Variants in DNASE1 observed in about 807,000 individuals in gnomAD.
DNASE1 encodes the protein deoxyribonuclease-1.
A neutral mutation model predicts 33.9 loss-of-function variants in DNASE1; 40 were observed. That is an observed-to-expected ratio of 1.18 (90% CI 0.92 to 1.54). The LOEUF (loss-of-function observed/expected upper bound fraction) is 1.54. Ranked by LOEUF, DNASE1 falls within the 40% of genes most tolerant of loss-of-function variation. The pLI is 0.00. For missense variants in DNASE1, 518 were observed against 372.6 expected, an observed-to-expected ratio of 1.39 and a Z score of -3.21; for synonymous variants, 216 against 160.0, an observed-to-expected ratio of 1.35 and a Z score of -2.64.
At chr16:3,621,616 GT>G (rs1269300216) in intron 1 of DNASE1, among the ~76,000 whole-genome samples, 1 of 152,014 alleles carries the variant, frequency 6.6e-6, no homozygotes, top group African/African-American at 2.4e-5. Flanking sequence ...TCTGAACCTC[GT>G]TTTTGCAACT....
chr16:3,612,858 A>G (rs1035978595), intron 1 of DNASE1, among the ~76,000 whole-genome samples: 1 of 152,172 alleles, frequency 6.6e-6, no homozygotes, highest in Non-Finnish European at 1.5e-5. Context: ...GAGCATAGTC[A>G]AGACGCAGTT....
exon 10 of DNASE1, chr16:3,663,846 G>A (rs1354161852): frequency 2.3e-6 from 1 of 434,402 alleles, no homozygotes; most frequent in Non-Finnish European, 4.2e-6. Flanking sequence ...GGCCAAAGCA[G>A]GCAGATCATG....
exon 10 of DNASE1, chr16:3,664,519 C>T: frequency 6.6e-7 from 1 of 1,525,650 alleles, no homozygotes. Flanking sequence ...TGTTGCCCAA[C>T]TAACTGGGCG....
At chr16:3,664,616 C>CA in exon 10 of DNASE1, 2 of 764,486 alleles carry the variant, frequency 2.6e-6, no homozygotes, top group Non-Finnish European at 4.0e-6. Flanking sequence ...TGTCCGAGAG[C>CA]AGGCCTTGCT....
Position 3,654,874 on chromosome 16 carries a change from G to A in DNASE1, c.-172G>A, listed in dbSNP as rs181422861. The stretch of plus-strand genomic sequence containing the variant: ...CTCCCAGACACGCACTGCCTGTGCA[G>A]GATCCGGAGCCCAGCAGCACTGCCA... On this transcript the variant is annotated 5_prime_UTR_variant, in exon 1 of 9. Transcript: ENST00000246949. 325 of 423,442 alleles carry A rather than the reference G, an allele frequency of 7.7e-4. 2 individuals are homozygous for A. The highest frequency in any genetic ancestry group is 4.2e-3 in the Middle Eastern group (7 of 1,656). The allele number at this position is 423,442 out of a possible 1,614,324, so 26.2% of individuals were successfully genotyped here. A position where few individuals can be genotyped will look rare whatever the true frequency, so the allele number is the denominator to read the frequency against.
chr16:3,630,725 T>A (rs1306640042), intron 1 of DNASE1, among the ~76,000 whole-genome samples: 1 of 152,138 alleles, frequency 6.6e-6, no homozygotes, highest in Admixed American at 6.6e-5. Context: ...TGTCTTTGGA[T>A]CTAAAGTGAT....
downstream of DNASE1, chr16:3,662,183 G>T (rs761214214): frequency 8.9e-6 from 14 of 1,576,400 alleles, no homozygotes; most frequent in East Asian, 1.1e-4. Context: ...AATGTGAGAG[G>T]GCTGGCAGGA....
intron 1 of DNASE1, among the ~76,000 whole-genome samples, chr16:3,633,903 G>C (rs2041784441): frequency 6.6e-6 from 1 of 151,918 alleles, no homozygotes; most frequent in Non-Finnish European, 1.5e-5. Context: ...CTGGATTCCG[G>C]ATTCACACCA....
downstream of DNASE1, chr16:3,662,378 C>G (rs1249878384): frequency 3.4e-6 from 2 of 588,814 alleles, no homozygotes; most frequent in Non-Finnish European, 3.0e-6. Context: ...CCTCCAGGAG[C>G]TGCCCGAATC....
chr16:3,628,520 A>G (rs1450885271), intron 1 of DNASE1, among the ~76,000 whole-genome samples: 2 of 151,904 alleles, frequency 1.3e-5, no homozygotes, highest in East Asian at 1.9e-4. Flanking sequence ...GTCATTCACT[A>G]TTGAGTATGA....
At chr16:3,617,406 A>T (rs1038740240) in intron 1 of DNASE1, among the ~76,000 whole-genome samples, 9 of 151,728 alleles carry the variant, frequency 5.9e-5, no homozygotes, top group African/African-American at 2.2e-4. Flanking sequence ...TAGACTCTAG[A>T]TATGACACTA....
chr16:3,662,237 G>A (rs918647654), downstream of DNASE1: 35 of 1,397,766 alleles, frequency 2.5e-5, 1 homozygote, highest in African/African-American at 1.1e-4. Flanking sequence ...GGTAGCAGGC[G>A]GGGTCTCAAG....
downstream of DNASE1, chr16:3,658,652 A>G (rs1258243177): frequency 2.4e-6 from 2 of 820,326 alleles, no homozygotes; most frequent in Non-Finnish European, 3.8e-6. Flanking sequence ...CAGCCTGGCA[A>G]CAGAGCAACA....
At chr16:3,647,881 G>T (rs1369831873) in intron 1 of DNASE1, among the ~76,000 whole-genome samples, 1 of 152,024 alleles carries the variant, frequency 6.6e-6, no homozygotes, top group Non-Finnish European at 1.5e-5. Context: ...AAATTAGCCA[G>T]GTGTGGCTGG....
intron 1 of DNASE1, among the ~76,000 whole-genome samples, chr16:3,618,391 T>G (rs886585294): frequency 1.3e-5 from 2 of 152,208 alleles, no homozygotes; most frequent in African/African-American, 4.8e-5. Flanking sequence ...AATCATCATA[T>G]GATTCAGCAA....
At chr16:3,622,136 C>T (rs560132455) in intron 1 of DNASE1, among the ~76,000 whole-genome samples, 32 of 148,000 alleles carry the variant, frequency 2.2e-4, no homozygotes, top group Admixed American at 1.9e-3. Flanking sequence ...AGGAGAATCG[C>T]TTGAACCCGG....
At chr16:3,651,837 C>T (rs147420808), upstream of DNASE1, 1 of 152,442 alleles carries the variant, frequency 6.6e-6, no homozygotes, top group African/African-American at 2.4e-5. Context: ...CTGACACAGA[C>T]AGAAAAGAGA....
In DNASE1 at chr16:3,634,099, C is replaced by T. The variant is rs571448976; in HGVS notation, c.-1358-6616C>T. Reference sequence around the variant, plus strand: ...TGCTGGGATTACAGGCGTGAACCACCGCACCTGGCCATAAGTGAAATTATT... The same window carrying T: ...TGCTGGGATTACAGGCGTGAACCACTGCACCTGGCCATAAGTGAAATTATT... On this transcript the variant is annotated intron_variant and NMD_transcript_variant, in intron 1 of 11. Transcript: ENST00000570769. Among the ~76,000 whole-genome samples the T allele has an allele frequency of 4.7e-5, 7 of 150,324 alleles. No homozygotes were observed. The East Asian group carries it at 8.1e-4, about 17-fold the overall frequency.
chr16:3,662,961 T>C, downstream of DNASE1: 1 of 1,609,746 alleles, frequency 6.2e-7, no homozygotes. Flanking sequence ...TGATAGGCAC[T>C]CGGCGGCTGC....
Sources: allele counts gnomAD v4.1 joint callset (sites outside exome capture counted in the v4.1 genomes callset), GRCh38; gene constraint gnomAD v4.1.1; transcripts MANE v1.5; gene names NCBI Gene and HGNC (gene_info 2026-07-23, HGNC 2026-07-21).